HLCS: variants seen among roughly 807,000 people sequenced by gnomAD.
HLCS encodes the protein biotin--protein ligase.
A neutral mutation model predicts 75.0 loss-of-function variants in HLCS; 53 were observed. The observed-to-expected ratio is 0.71, with a 90% CI of 0.57 to 0.89. The LOEUF (loss-of-function observed/expected upper bound fraction) is 0.89. HLCS is among the 40% of genes least tolerant of loss of function. The probability of loss-of-function intolerance (pLI) is 0.00; values close to 1 mark genes in which losing one functional copy is unlikely to be tolerated. For synonymous variants in HLCS, 431 were observed against 428.6 expected, an observed-to-expected ratio of 1.01 and a Z score of -0.07; for missense variants, 966 against 1,074.0, an observed-to-expected ratio of 0.90 and a Z score of 1.41.
rs747916823 is a variant in HLCS at position 36,759,814 on chromosome 21, T to C, written c.2149A>G (p.Asn717Asp). 10 of 1,613,128 alleles carry C rather than the reference T, an allele frequency of 6.2e-6. No individual in the cohort carries two copies. Among genetic ancestry groups the C allele is most frequent in the South Asian group, 2.2e-5 (2 of 91,058 alleles). ...ATGAGGTCACTGTAATAAATATCGT[T>C]GGGCCACTTCACTCGTAAGTTGATA... is the stretch of plus-strand genomic sequence containing the variant. ...QDINLRVKWP[N>D]DIYYSDLMKI... The change falls in exon 9 of 11, where the codon AAC becomes GAC. Residue 717 changes from asparagine to aspartate, a missense_variant. Physicochemically the swap from Asn to Asp is conservative, Grantham distance 23. Transcript: ENST00000674895.
chr21:36,915,727 G>A lies in HLCS; in HGVS notation c.1620+14524C>T, dbSNP rs538929398. ...AACTCCATCTGGCCAGTTTCCTCCGGCATGCCCACAGCTGATTCTTCTAGA... is the reference window on the plus strand; with the variant it reads ...AACTCCATCTGGCCAGTTTCCTCCGACATGCCCACAGCTGATTCTTCTAGA... On this transcript the variant is annotated intron_variant, in intron 5 of 10. Coordinates refer to ENST00000674895, the MANE Select transcript of HLCS (RefSeq NM_001352514.2). 6.0e-5 allele frequency among the ~76,000 whole-genome samples: 9 copies of A among 150,732 alleles called. No homozygotes were observed. In the Middle Eastern group the frequency reaches 0.01, roughly 171 times the overall value.
chr21:36,937,441 G>A (rs1395921979), intron 3 of HLCS, 49 bp from the exon 4 acceptor site: 3 of 1,434,244 alleles, frequency 2.1e-6, no homozygotes, highest in Admixed American at 3.4e-5. Flanking sequence ...AACACTTCTT[G>A]TATGACACAT....
At position 36,936,767 on chromosome 21, in the gene HLCS, G is replaced by T. The variant is rs768927843; in HGVS notation, c.1119C>A (p.Pro373=). The change falls in exon 4 of 11, where the codon CCC becomes CCA. Residue 373 remains proline, a synonymous_variant. Coordinates refer to ENST00000674895, the MANE Select transcript of HLCS (RefSeq NM_001352514.2). ...CCATGAACTTCTGGTACAGGTCTTC[G>T]GGAATGGACTCCCTGGTAGCAATGA... ...LLVIATRESI[P]EDLYQKFMAY... 1 of 1,614,082 alleles carries T rather than the reference G, an allele frequency of 6.2e-7. No homozygotes were observed. Among genetic ancestry groups the T allele is most frequent in the Non-Finnish European group, 8.5e-7 (1 of 1,180,042 alleles).
chr21:36,772,638 CAAAAAA>C (rs34788426), intron 6 of HLCS, among the ~76,000 whole-genome samples: 24 of 80,852 alleles, frequency 3.0e-4, no homozygotes, highest in African/African-American at 1.2e-3. Flanking sequence ...GACACTGTCT[CAAAAAA>C]AAAAAAAAAA....
intron 6 of HLCS, chr21:36,851,969 G>C (rs1189446570): frequency 6.6e-6 from 1 of 152,286 alleles, no homozygotes; most frequent in African/African-American, 2.4e-5. Context: ...CGCTAAGCGG[G>C]GTTGGGCCTG....
At chr21:36,980,269 C>G (rs1159569718) in intron 1 of HLCS, 1 of 151,784 alleles carries the variant, frequency 6.6e-6, no homozygotes, top group Non-Finnish European at 1.5e-5. Context: ...AATGATAAAG[C>G]CCTAAACAGA....
intron 6 of HLCS, among the ~76,000 whole-genome samples, chr21:36,836,344 G>C (rs887442118): frequency 6.6e-6 from 1 of 151,902 alleles, no homozygotes; most frequent in African/African-American, 2.4e-5. Flanking sequence ...TAAGTTTTAG[G>C]GTACATGTGC....
chr21:36,752,374 G>GC lies in HLCS; in HGVS notation c.*1871dup, dbSNP rs1178741450. ...GGACTTCAGCTTAAAACAAAACATAGCATGTTTTTCATTAAATAACCCCCA... is the reference window on the plus strand; with the variant it reads ...GGACTTCAGCTTAAAACAAAACATAGCCATGTTTTTCATTAAATAACCCCCA... On this transcript the variant is annotated 3_prime_UTR_variant, in exon 11 of 11. Transcript: ENST00000674895. 6.6e-6 allele frequency: 1 copy of GC among 152,550 alleles called. No homozygotes were observed. Among genetic ancestry groups the GC allele is most frequent in the African/African-American group, 2.4e-5 (1 of 41,452 alleles). 9.4% of individuals were successfully genotyped at this position (152,550 alleles called of 1,614,324 possible).
At chr21:36,836,644 A>G (rs2062422887) in intron 6 of HLCS, among the ~76,000 whole-genome samples, 1 of 151,762 alleles carries the variant, frequency 6.6e-6, no homozygotes, top group Non-Finnish European at 1.5e-5. Context: ...CAGAATCTAC[A>G]ATGAACTCAA....
chr21:36,819,231 T>C (rs2061753342), intron 6 of HLCS, among the ~76,000 whole-genome samples: 1 of 152,202 alleles, frequency 6.6e-6, no homozygotes, highest in Non-Finnish European at 1.5e-5. Context: ...AGCAACTTAA[T>C]GGGCTGAAGT....
rs987379517 is a variant in HLCS, at chr21:36,947,347, G to A, written c.331-8353C>T. 86 of 985,402 alleles carry A rather than the reference G, an allele frequency of 8.7e-5. 1 individual carries two copies. The South Asian group carries it at 1.1e-3, about 12-fold the overall frequency. 61.0% of individuals were successfully genotyped at this position (985,402 alleles called of 1,614,324 possible). A position where few individuals can be genotyped will look rare whatever the true frequency, so the allele number is the denominator to read the frequency against. On this transcript the variant is annotated intron_variant, in intron 2 of 10. Transcript: ENST00000674895. ...TGTTTCCTCACCTAAGTGCATTTCC[G>A]TTTTCTAGGAGCGTGGTCCATGAGC...
chr21:36,843,378 C>T (rs1047957073), intron 6 of HLCS, among the ~76,000 whole-genome samples: 2 of 152,122 alleles, frequency 1.3e-5, no homozygotes, highest in African/African-American at 4.8e-5. Flanking sequence ...GTCGAGACTC[C>T]AGTGAGCCAT....
chr21:36,798,422 G>C (rs1364973218), intron 6 of HLCS, among the ~76,000 whole-genome samples: 1 of 152,168 alleles, frequency 6.6e-6, no homozygotes, highest in African/African-American at 2.4e-5. Context: ...TATTTATGTT[G>C]TTTCCAGTTT....
chr21:36,795,074 C>T (rs2060987071), intron 6 of HLCS, among the ~76,000 whole-genome samples: 1 of 151,972 alleles, frequency 6.6e-6, no homozygotes, highest in Admixed American at 6.6e-5. Flanking sequence ...AACCATGGGA[C>T]CAGGAGAGGT....
At chr21:36,756,079 T>G (rs2089557240) in intron 10 of HLCS, among the ~76,000 whole-genome samples, 1 of 152,188 alleles carries the variant, frequency 6.6e-6, no homozygotes, top group African/African-American at 2.4e-5. Flanking sequence ...GTGGTGTCCC[T>G]GCAGTTTCTC....
At position 36,930,342 on chromosome 21, in the gene HLCS, A is replaced by T. The variant is rs769499327; in HGVS notation, c.1529T>A (p.Val510Asp). 3.1e-6 allele frequency: 5 copies of T among 1,614,088 alleles called. No individual in the cohort carries two copies. In the East Asian group the frequency reaches 6.7e-5, roughly 22 times the overall value. Residue 510 changes from valine to aspartate, a missense_variant, in exon 5 of 11, where the codon GTC (valine) becomes GAC (aspartate). Coordinates refer to ENST00000674895, the MANE Select transcript of HLCS (RefSeq NM_001352514.2). Reference protein sequence around the residue: ...LKSSNFRRYEVLREILTTLGL... With the variant: ...LKSSNFRRYEDLREILTTLGL... ...AAGGGTTGTCAGAATCTCTCTAAGG[A>T]CTTCGTATCTTCTAAAATTGCTTGA...
chr21:36,796,799 A>G (rs994686797), intron 6 of HLCS, among the ~76,000 whole-genome samples: 1 of 152,234 alleles, frequency 6.6e-6, no homozygotes, highest in Non-Finnish European at 1.5e-5. Context: ...CAAGCAATGC[A>G]GCACCTACAG....
chr21:36,771,899 TGAGGCAG>T (rs1413853739), intron 6 of HLCS, among the ~76,000 whole-genome samples: 1 of 151,916 alleles, frequency 6.6e-6, no homozygotes, highest in East Asian at 1.9e-4. Flanking sequence ...TGTGGGAGAT[TGAGGCAG>T]GAGAATCACT....
At chr21:36,823,350 A>G (rs2061903316) in intron 6 of HLCS, among the ~76,000 whole-genome samples, 1 of 152,062 alleles carries the variant, frequency 6.6e-6, no homozygotes, top group East Asian at 1.9e-4. Flanking sequence ...TCCTCTCTAC[A>G]CTTGCCTGGG....
Sources: allele counts gnomAD v4.1 joint callset (sites outside exome capture counted in the v4.1 genomes callset), GRCh38; gene constraint gnomAD v4.1.1; transcripts MANE v1.5; gene names NCBI Gene and HGNC (gene_info 2026-07-23, HGNC 2026-07-21).